NREP: variants seen among roughly 807,000 people sequenced by gnomAD.
NREP encodes neuronal regeneration related protein.
Under a neutral mutation model 8.6 loss-of-function variants are expected in NREP, and 5 were observed. The observed-to-expected ratio is 0.58, with a 90% CI of 0.30 to 1.22. NREP has a LOEUF of 1.22. Ranked by LOEUF, NREP falls within the 50% of genes most tolerant of loss-of-function variation. The pLI is 0.07. For synonymous variants in NREP, 27 were observed against 28.0 expected (o/e 0.96, Z 0.11); for missense variants, 86 against 82.5 (o/e 1.04, Z -0.17).
At chr5:111,764,791 A>G (rs1445790124) in intron 2 of NREP, among the ~76,000 whole-genome samples, 2 of 152,216 alleles carry the variant, frequency 1.3e-5, no homozygotes, top group Non-Finnish European at 2.9e-5. Flanking sequence ...CCTGACAGAA[A>G]CTTCAGACAT....
At chr5:111,790,507 C>T (rs1751718267) in intron 2 of NREP, among the ~76,000 whole-genome samples, 1 of 151,956 alleles carries the variant, frequency 6.6e-6, no homozygotes, top group South Asian at 2.1e-4. Flanking sequence ...CACCTGTAAT[C>T]CCAGCATTTT....
At chr5:111,806,800 T>C (rs1318005290) in intron 2 of NREP, among the ~76,000 whole-genome samples, 3 of 152,048 alleles carry the variant, frequency 2.0e-5, no homozygotes, top group Non-Finnish European at 4.4e-5. Context: ...TGAACTAAAG[T>C]GTGGATTAGG....
At chr5:111,744,879 T>C (rs1749904392) in intron 2 of NREP, among the ~76,000 whole-genome samples, 1 of 152,142 alleles carries the variant, frequency 6.6e-6, no homozygotes, top group Non-Finnish European at 1.5e-5. Flanking sequence ...GACTGTATTC[T>C]CCAACAAGAG....
chr5:111,815,126 A>G (rs1369743848), intron 2 of NREP, among the ~76,000 whole-genome samples: 1 of 152,192 alleles, frequency 6.6e-6, no homozygotes, highest in Non-Finnish European at 1.5e-5. Context: ...GAAACCTAAC[A>G]GAAACCGGCT....
intron 2 of NREP, among the ~76,000 whole-genome samples, chr5:111,892,475 C>T (rs1754417146): frequency 6.6e-6 from 1 of 152,130 alleles, no homozygotes; most frequent in South Asian, 2.1e-4. Flanking sequence ...CTTGAAGATG[C>T]ACTTTCCATT....
At chr5:111,923,610 G>T (rs1755305534) in intron 2 of NREP, among the ~76,000 whole-genome samples, 1 of 152,154 alleles carries the variant, frequency 6.6e-6, no homozygotes, top group African/African-American at 2.4e-5. Flanking sequence ...ATTCTCCAGG[G>T]TTTATTTGGT....
chr5:111,849,811 C>T (rs1753266086), intron 2 of NREP, among the ~76,000 whole-genome samples: 1 of 152,066 alleles, frequency 6.6e-6, no homozygotes, highest in Admixed American at 6.6e-5. Context: ...TGATATGATA[C>T]ATACAACTCT....
chr5:111,770,648 A>G (rs1751197602), intron 2 of NREP, among the ~76,000 whole-genome samples: 1 of 136,844 alleles, frequency 7.3e-6, no homozygotes, highest in African/African-American at 2.8e-5. Context: ...ACGGCTCACT[A>G]CAGCCTCCCC....
At chr5:111,752,606 C>G (rs901307518) in intron 2 of NREP, among the ~76,000 whole-genome samples, 1 of 152,146 alleles carries the variant, frequency 6.6e-6, no homozygotes, top group African/African-American at 2.4e-5. Flanking sequence ...CCATGAATGC[C>G]ACTTCACAAA....
At chr5:111,938,600 T>A (rs924865268) in intron 2 of NREP, among the ~76,000 whole-genome samples, 1 of 152,082 alleles carries the variant, frequency 6.6e-6, no homozygotes, top group Non-Finnish European at 1.5e-5. Context: ...ACTTACTGTA[T>A]GTGTGACCTC....
chr5:111,974,740 A>G (rs556233829), intron 2 of NREP, among the ~76,000 whole-genome samples: 1 of 152,360 alleles, frequency 6.6e-6, no homozygotes, highest in African/African-American at 2.4e-5. Flanking sequence ...AAAATGAGTT[A>G]TTATATTTAA....
At chr5:111,918,053 A>T (rs909350333) in intron 2 of NREP, among the ~76,000 whole-genome samples, 1 of 152,176 alleles carries the variant, frequency 6.6e-6, no homozygotes, top group African/African-American at 2.4e-5. Flanking sequence ...AGGCATTCCT[A>T]GACACCAATA....
chr5:111,757,850 C>T (rs1750834280), upstream of NREP: 4 of 971,514 alleles, frequency 4.1e-6, no homozygotes, highest in East Asian at 1.1e-4. Context: ...GGTTTGGGGG[C>T]GCGCCAAGCG....
At chr5:111,948,382 G>A (rs1439642959) in intron 2 of NREP, among the ~76,000 whole-genome samples, 1 of 152,130 alleles carries the variant, frequency 6.6e-6, no homozygotes, top group East Asian at 1.9e-4. Context: ...AAACAACCAT[G>A]CAAACTATAT....
chr5:111,961,174 G>A (rs1333668312), intron 2 of NREP, among the ~76,000 whole-genome samples: 2 of 152,176 alleles, frequency 1.3e-5, no homozygotes, highest in Non-Finnish European at 2.9e-5. Flanking sequence ...CCAGAACGAA[G>A]GTTCCCTGGC....
chr5:111,759,409 C>G (rs533347763), upstream of NREP, among the ~76,000 whole-genome samples: 2 of 143,004 alleles, frequency 1.4e-5, no homozygotes, highest in South Asian at 4.6e-4. Flanking sequence ...ATTTTTCTTT[C>G]TTTCTTTCTT....
intron 2 of NREP, among the ~76,000 whole-genome samples, chr5:111,882,489 G>C (rs986813516): frequency 2.0e-5 from 3 of 152,164 alleles, no homozygotes; most frequent in African/African-American, 7.2e-5. Context: ...ACGCAACAAA[G>C]ATACTCCTCA....
chr5:111,894,935 C>T (rs565856067), intron 2 of NREP, among the ~76,000 whole-genome samples: 7 of 152,294 alleles, frequency 4.6e-5, no homozygotes, highest in Non-Finnish European at 1.0e-4. Flanking sequence ...CATCAGAGAA[C>T]TTATCTGAAG....
chr5:111,827,746 G>A (rs970054498), intron 2 of NREP, among the ~76,000 whole-genome samples: 1 of 152,004 alleles, frequency 6.6e-6, no homozygotes. Context: ...AGGAAGCTGA[G>A]GCAGAAGAAT....
Sources: gnomAD v4.1 joint callset for allele counts (sites outside exome capture counted in the v4.1 genomes callset) on GRCh38, gnomAD v4.1.1 for gene constraint, MANE v1.5 for transcripts, NCBI Gene and HGNC (gene_info 2026-07-23, HGNC 2026-07-21) for gene names.